The following SGK3 variants were observed in gnomAD, a reference collection of about 807,000 sequenced individuals.
SGK3 encodes the protein serine/threonine-protein kinase Sgk3.
Under a neutral mutation model 68.5 loss-of-function variants are expected in SGK3, and 47 were observed. That is an observed-to-expected ratio of 0.69 (90% confidence interval 0.54 to 0.87). The LOEUF (loss-of-function observed/expected upper bound fraction) is 0.87, where lower values mean the gene tolerates loss of function less well. Among genes scored for constraint, SGK3 ranks in the 40% least tolerant of loss-of-function variants. The pLI is 0.00. For synonymous variants in SGK3, 181 were observed against 189.1 expected (o/e 0.96, Z 0.35); for missense variants, 479 against 575.5 (o/e 0.83, Z 1.72).
chr8:66,852,174 T>C (rs1810317697), intron 16 of SGK3, among the ~76,000 whole-genome samples: 1 of 151,916 alleles, frequency 6.6e-6, no homozygotes, highest in Admixed American at 6.6e-5. Flanking sequence ...GGATAAGGAC[T>C]AGAATAGAAT....
chr8:66,752,057 G>A (rs559311108), intron 1 of SGK3, among the ~76,000 whole-genome samples: 1 of 152,122 alleles, frequency 6.6e-6, no homozygotes, highest in South Asian at 2.1e-4. Context: ...GAGCCCCCAA[G>A]CCTGGCCTAA....
chr8:66,800,397 T>A (rs113949812), intron 3 of SGK3, among the ~76,000 whole-genome samples: 5 of 147,100 alleles, frequency 3.4e-5, no homozygotes, highest in African/African-American at 1.2e-4. Flanking sequence ...TTTTTTTTTT[T>A]TATTATACTT....
At chr8:66,766,998 A>G (rs1056472712) in intron 1 of SGK3, among the ~76,000 whole-genome samples, 2 of 152,134 alleles carry the variant, frequency 1.3e-5, no homozygotes, top group Admixed American at 6.5e-5. Flanking sequence ...ACAAGCATGC[A>G]CCACCACACC....
At chr8:66,800,569 A>G (rs1206641532) in intron 3 of SGK3, among the ~76,000 whole-genome samples, 1 of 151,966 alleles carries the variant, frequency 6.6e-6, no homozygotes, top group Non-Finnish European at 1.5e-5. Context: ...TATATCAATT[A>G]AGAGATAAAT....
At chr8:66,795,023 A>T (rs963591088) in intron 2 of SGK3, among the ~76,000 whole-genome samples, 4 of 152,184 alleles carry the variant, frequency 2.6e-5, no homozygotes, top group Non-Finnish European at 4.4e-5. Context: ...AGGCTCTGAC[A>T]TGTCCTTCAC....
At chr8:66,759,789 A>T (rs561658192) in intron 1 of SGK3, among the ~76,000 whole-genome samples, 22 of 151,936 alleles carry the variant, frequency 1.4e-4, no homozygotes, top group African/African-American at 5.3e-4. Flanking sequence ...CAGCCTCCCG[A>T]GTAACCAGGA....
chr8:66,757,829 C>T (rs1030624626), intron 1 of SGK3, among the ~76,000 whole-genome samples: 6 of 150,240 alleles, frequency 4.0e-5, no homozygotes, highest in East Asian at 2.0e-4. Flanking sequence ...GCAGGAGAAT[C>T]GCTTGAGCCC....
intron 4 of SGK3, among the ~76,000 whole-genome samples, chr8:66,809,167 A>G (rs1436980385): frequency 1.3e-5 from 2 of 152,230 alleles, no homozygotes; most frequent in Admixed American, 6.5e-5. Flanking sequence ...CTGGCTCATA[A>G]TTTATTTTTT....
intron 1 of SGK3, among the ~76,000 whole-genome samples, chr8:66,716,242 T>C (rs1188031308): frequency 6.6e-6 from 1 of 152,170 alleles, no homozygotes; most frequent in African/African-American, 2.4e-5. Context: ...ATCTAAGAGG[T>C]GCTACTTCCG....
chr8:66,802,227 A>G (rs1396556100), intron 3 of SGK3, among the ~76,000 whole-genome samples: 1 of 152,226 alleles, frequency 6.6e-6, no homozygotes. Flanking sequence ...CTTTGAAACT[A>G]CAGAAATCAG....
chr8:66,824,405 A>G (rs1808971020), intron 6 of SGK3, among the ~76,000 whole-genome samples: 1 of 152,148 alleles, frequency 6.6e-6, no homozygotes, highest in African/African-American at 2.4e-5. Context: ...AAAATGTTGA[A>G]CGTTGATGCT....
chr8:66,772,988 A>AGCAC (rs1806566327), intron 1 of SGK3, among the ~76,000 whole-genome samples: 1 of 152,194 alleles, frequency 6.6e-6, no homozygotes, highest in Non-Finnish European at 1.5e-5. Context: ...TGAGTGGTGC[A>AGCAC]GATCCTAAGT....
intron 4 of SGK3, 147 bp from the exon 5 acceptor site, chr8:66,813,706 A>G (rs192187431): frequency 1.1e-5 from 4 of 374,044 alleles, no homozygotes; most frequent in Admixed American, 4.8e-5. Context: ...ATTTCTAAGT[A>G]TGTATTCCTT....
intron 2 of SGK3, among the ~76,000 whole-genome samples, chr8:66,797,900 G>A (rs1807764075): frequency 6.6e-6 from 1 of 152,144 alleles, no homozygotes; most frequent in African/African-American, 2.4e-5. Flanking sequence ...GAGCACATGA[G>A]TGTTGACTAT....
In SGK3 at chr8:66,744,496, TATATATATATATATATATATATA is replaced by T. The variant is rs1317691841; in HGVS notation, c.-122+31664_-122+31686del. 1.5e-3 allele frequency among the ~76,000 whole-genome samples: 34 copies of T among 23,036 alleles called. 1 individual carries two copies. Among genetic ancestry groups the T allele is most frequent in the South Asian group, 0.011 (8 of 742 alleles). 15.1% of individuals were successfully genotyped at this position (23,036 alleles called of 152,430 possible). On this transcript the variant is annotated intron_variant, in intron 1 of 16. Transcript: ENST00000521198. Reference sequence around the variant, plus strand: ...ATGTGTGTGTGTGTATATATATATATATATATATATATATATATATATATTTTTTTTTTTTTTTTTTTTTTTTT... The same window carrying T: ...ATGTGTGTGTGTGTATATATATATATTTTTTTTTTTTTTTTTTTTTTTTTT...
At chr8:66,774,263 G>T (rs1806610825) in intron 1 of SGK3, among the ~76,000 whole-genome samples, 1 of 152,076 alleles carries the variant, frequency 6.6e-6, no homozygotes, top group Non-Finnish European at 1.5e-5. Context: ...TGTAATAAAG[G>T]TTACCGTATG....
At chr8:66,734,944 C>CAA (rs35047133) in intron 1 of SGK3, among the ~76,000 whole-genome samples, 6 of 91,144 alleles carry the variant, frequency 6.6e-5, no homozygotes, top group Admixed American at 1.2e-4. Flanking sequence ...GGCTCCATCT[C>CAA]AAAAAAAAAA....
chr8:66,792,472 T>C (rs906185394), intron 1 of SGK3, among the ~76,000 whole-genome samples: 3 of 152,202 alleles, frequency 2.0e-5, no homozygotes, highest in Admixed American at 6.5e-5. Flanking sequence ...CCTGCTGATA[T>C]ATATTTTAAA....
intron 16 of SGK3, among the ~76,000 whole-genome samples, chr8:66,857,797 G>GTC (rs1554607993): frequency 9.5e-6 from 1 of 105,418 alleles, no homozygotes; most frequent in South Asian, 3.1e-4. Context: ...AAGTGTGTGT[G>GTC]TATGTGTGTG....
Sources: allele counts gnomAD v4.1 joint callset (sites outside exome capture counted in the v4.1 genomes callset), GRCh38; gene constraint gnomAD v4.1.1; transcripts MANE v1.5; gene names NCBI Gene and HGNC (gene_info 2026-07-23, HGNC 2026-07-21).